Variants in PAIP1 observed in about 807,000 individuals in gnomAD.
PAIP1 encodes the protein polyadenylate-binding protein-interacting protein 1.
Under a neutral mutation model 61.3 loss-of-function variants are expected in PAIP1, and 16 were observed. The observed-to-expected ratio is 0.26, with a 90% CI of 0.18 to 0.40. The LOEUF is 0.40. Among genes scored for constraint, PAIP1 ranks in the 10% least tolerant of loss-of-function variants. PAIP1 has a pLI of 1.00. For missense variants in PAIP1, 416 were observed against 600.9 expected (o/e 0.69, Z 3.22); for synonymous variants, 187 against 226.2 (o/e 0.83, Z 1.56).
intron 4 of PAIP1, among the ~76,000 whole-genome samples, chr5:43,540,626 C>G (rs1747361267): frequency 6.6e-6 from 1 of 152,198 alleles, no homozygotes; most frequent in Admixed American, 6.5e-5. Flanking sequence ...AACTTCCGTT[C>G]CATCTTTTTC....
rs771708331 is a variant in PAIP1 at position 43,538,968 on chromosome 5, G to A, written c.802C>T (p.His268Tyr). ...TCTCCCAGAAAGAGTACAAATGCAT[G>A]AAATCGTTTTCGAGTAACTTCATCC... ...KGDEVTRKRF[H>Y]AFVLFLGELY... is the part of the protein sequence containing the mutation. The change falls in exon 5 of 11, where the codon CAT becomes TAT. Residue 268 changes from histidine (H) to tyrosine (Y), a missense_variant. Around this residue, in one of 4 missense-constraint regions of PAIP1, gnomAD observed 135 missense variants for 283.9 expected, o/e 0.48. Transcript: ENST00000306846. 1.2e-6 allele frequency: 2 copies of A among 1,611,226 alleles called. No individual in the cohort carries two copies. Among genetic ancestry groups the A allele is most frequent in the Non-Finnish European group, 1.7e-6 (2 of 1,178,724 alleles).
At position 43,556,826 on chromosome 5, in the gene PAIP1, C is replaced by A; in HGVS notation, c.21G>T (p.Arg7=). 6.9e-7 allele frequency: 1 copy of A among 1,451,154 alleles called. No homozygotes were observed. Among genetic ancestry groups the A allele is most frequent in the Admixed American group, 2.8e-5 (1 of 35,728 alleles). The allele number at this position is 1,451,154 out of a possible 1,614,324, so 89.9% of individuals were successfully genotyped here. A position where few individuals can be genotyped will look rare whatever the true frequency, so the allele number is the denominator to read the frequency against. MSDGFD[R]APGAGRGRSR... ...TCCGGCCCCGACCAGCACCTGGGGCCCGATCGAAACCGTCCGACATGCTCC... is the reference window on the plus strand; with the variant it reads ...TCCGGCCCCGACCAGCACCTGGGGCACGATCGAAACCGTCCGACATGCTCC... Residue 7 remains arginine (R), a synonymous_variant, in exon 1 of 11, where the codon CGG becomes CGT. Transcript: ENST00000306846.
intron 9 of PAIP1, among the ~76,000 whole-genome samples, chr5:43,531,656 C>CAAAAAAAAAAAAAAAAAAAAGAAA (rs1746938207): frequency 1.7e-5 from 1 of 59,868 alleles, no homozygotes; most frequent in Non-Finnish European, 3.4e-5. Flanking sequence ...GACTCTGTCT[C>CAAAAAAAAAAAAAAAAAAAAGAAA]AAAAAAAAAA....
chr5:43,538,079 A>G (rs927298020), intron 5 of PAIP1, among the ~76,000 whole-genome samples: 1 of 151,846 alleles, frequency 6.6e-6, no homozygotes, highest in Non-Finnish European at 1.5e-5. Flanking sequence ...TCTATTGCCT[A>G]CTAACAAGCA....
intron 3 of PAIP1, among the ~76,000 whole-genome samples, chr5:43,545,145 C>G (rs1424720902): frequency 6.6e-6 from 1 of 152,152 alleles, no homozygotes; most frequent in Middle Eastern, 3.2e-3. Flanking sequence ...TTGATTTATC[C>G]CTAAACTCAC....
intron 8 of PAIP1, 47 bp downstream of exon 8, chr5:43,534,806 C>T (rs765215409): frequency 4.7e-5 from 47 of 1,008,362 alleles, no homozygotes; most frequent in Admixed American, 8.6e-5. Flanking sequence ...ATTTCCAAAA[C>T]GGAATTCAAG....
rs1054037748 is a variant in PAIP1, at chr5:43,557,029, C to A, written c.-183G>T. 1.8e-6 allele frequency: 2 copies of A among 1,090,502 alleles called. No individual in the cohort carries two copies. Among genetic ancestry groups the A allele is most frequent in the Non-Finnish European group, 1.2e-6 (1 of 855,634 alleles). 67.6% of individuals were successfully genotyped at this position (1,090,502 alleles called of 1,614,324 possible). A position where few individuals can be genotyped will look rare whatever the true frequency, so the allele number is the denominator to read the frequency against. ...CTGGCGGAGCGGACGGCAGCCCGAGCACCCGCCGCTCCAGAGCGCCCGCCC... is the reference window on the plus strand; with the variant it reads ...CTGGCGGAGCGGACGGCAGCCCGAGAACCCGCCGCTCCAGAGCGCCCGCCC... On this transcript the variant is annotated 5_prime_UTR_variant, in exon 1 of 11. Transcript: ENST00000306846.
At chr5:43,536,995 A>G (rs1264988373) in intron 5 of PAIP1, 51 bp from the exon 6 acceptor site, 6 of 1,379,096 alleles carry the variant, frequency 4.4e-6, no homozygotes, top group Non-Finnish European at 5.9e-6. Context: ...AATATAATAC[A>G]GATACATAAA....
At position 43,529,674 on chromosome 5, in the gene PAIP1, G is replaced by A. The variant is rs760909540; in HGVS notation, c.1346+112C>T. Reference sequence around the variant, plus strand: ...CCCAAAGTGTTGGGATTACAGGCACGAGCCACTGCGCCTGGCCCCAAACAC... The same window carrying A: ...CCCAAAGTGTTGGGATTACAGGCACAAGCCACTGCGCCTGGCCCCAAACAC... On this transcript the variant is annotated intron_variant, in intron 10 of 10. Transcript: ENST00000306846. 290 of 720,422 alleles carry A rather than the reference G, an allele frequency of 4.0e-4. 1 individual carries two copies. The highest frequency in any genetic ancestry group is 3.6e-3 in the Middle Eastern group (9 of 2,488). The allele number at this position is 720,422 out of a possible 1,614,324, so 44.6% of individuals were successfully genotyped here.
chr5:43,555,432 T>G (rs750647531), intron 2 of PAIP1, among the ~76,000 whole-genome samples: 3 of 152,236 alleles, frequency 2.0e-5, no homozygotes, highest in Admixed American at 1.3e-4. Flanking sequence ...TTAAGAAAAG[T>G]GACTATTTTT....
At chr5:43,528,429 G>C (rs1453294026) in intron 10 of PAIP1, among the ~76,000 whole-genome samples, 1 of 151,854 alleles carries the variant, frequency 6.6e-6, no homozygotes, top group Non-Finnish European at 1.5e-5. Context: ...TTCCAATACA[G>C]GGCCATGTGT....
chr5:43,549,877 G>C (rs1473070516), intron 2 of PAIP1, among the ~76,000 whole-genome samples: 8 of 151,856 alleles, frequency 5.3e-5, no homozygotes, highest in Admixed American at 5.3e-4. Context: ...TGTACCACCA[G>C]GCCCAGCTAA....
intron 6 of PAIP1, 65 bp from the exon 7 acceptor site, chr5:43,535,705 A>G (rs536567750): frequency 1.2e-6 from 1 of 847,076 alleles, no homozygotes; most frequent in Non-Finnish European, 1.9e-6. Flanking sequence ...CTAAAAAGAT[A>G]CCAGTAACAG....
chr5:43,557,085 C>T (rs1748130838), upstream of PAIP1: 1 of 708,962 alleles, frequency 1.4e-6, no homozygotes, highest in Non-Finnish European at 1.9e-6. Flanking sequence ...TCCAGTTCTC[C>T]CCCAAAACCC....
At position 43,543,018 on chromosome 5, in the gene PAIP1, T is replaced by C. The variant is rs764343718; in HGVS notation, c.720A>G (p.Gln240=). Residue 240 remains glutamine, a synonymous_variant, in exon 4 of 11, where the codon CAA becomes CAG. Coordinates refer to ENST00000306846, the MANE Select transcript of PAIP1 (RefSeq NM_006451.5). ...TISPQSGNFR[Q]LLLQRCRTEY... is the part of the protein sequence containing the mutation. ...TTTACACTGACCTTTGAAGTAGCAA[T>C]TGGCGGAAGTTGCCACTCTGTGGGC... The C allele has an allele frequency of 3.1e-5, 48 of 1,552,184 alleles. No individual in the cohort carries two copies. The highest frequency in any genetic ancestry group is 2.5e-4 in the East Asian group (11 of 44,554).
Position 43,556,894 on chromosome 5 carries a change from C to G in PAIP1, c.-48G>C. On this transcript the variant is annotated 5_prime_UTR_variant, in exon 1 of 11. Coordinates refer to ENST00000306846, the MANE Select transcript of PAIP1 (RefSeq NM_006451.5). Reference sequence around the variant, plus strand: ...CTCCAGGGGCCGCTGCCGCTGCGCTCGCGATAGGACGCGGGGGGAAGGCGC... The same window carrying G: ...CTCCAGGGGCCGCTGCCGCTGCGCTGGCGATAGGACGCGGGGGGAAGGCGC... 1 of 1,345,966 alleles carries G rather than the reference C, an allele frequency of 7.4e-7. No individual in the cohort carries two copies. The highest frequency in any genetic ancestry group is 9.5e-7 in the Non-Finnish European group (1 of 1,052,094). 83.4% of individuals were successfully genotyped at this position (1,345,966 alleles called of 1,614,324 possible).
At chr5:43,536,090 G>A (rs1255856480) in intron 6 of PAIP1, among the ~76,000 whole-genome samples, 1 of 151,430 alleles carries the variant, frequency 6.6e-6, no homozygotes. Flanking sequence ...TAAACATGAA[G>A]AAATGCTTAA....
At chr5:43,542,091 G>A (rs890304051) in intron 4 of PAIP1, among the ~76,000 whole-genome samples, 1 of 149,414 alleles carries the variant, frequency 6.7e-6, no homozygotes, top group Admixed American at 6.7e-5. Context: ...CACGAGAATC[G>A]CTTGAGCCTC....
intron 4 of PAIP1, among the ~76,000 whole-genome samples, chr5:43,540,671 A>C (rs1747363369): frequency 6.6e-6 from 1 of 152,258 alleles, no homozygotes; most frequent in Non-Finnish European, 1.5e-5. Flanking sequence ...AGGTAGCAGA[A>C]TTATGCTTTG....
Sources: gnomAD v4.1 joint callset for allele counts (sites outside exome capture counted in the v4.1 genomes callset) on GRCh38, gnomAD v4.1.1 for gene constraint, gnomAD v4.1.1 regional missense constraint, MANE v1.5 for transcripts, NCBI Gene and HGNC (gene_info 2026-07-23, HGNC 2026-07-21) for gene names.